CLCN5: variants seen among roughly 807,000 people sequenced by gnomAD.
The protein encoded by CLCN5 is Cl-/H+ antiporter 5, also known as H(+)/Cl(-) exchange transporter 5.
CLCN5 carries 17 observed loss-of-function variants against 54.0 expected under a neutral mutation model. The ratio of observed to expected loss-of-function variants is 0.31; its 90% confidence interval spans 0.22 to 0.47. The LOEUF (loss-of-function observed/expected upper bound fraction) is 0.47, where lower values mean the gene tolerates loss of function less well. Ranked by LOEUF, CLCN5 falls within the 20% of genes least tolerant of loss-of-function variation. The pLI is 1.00. For missense variants in CLCN5, 448 were observed against 646.7 expected (o/e 0.69, Z 3.33); for synonymous variants, 222 against 233.0 (o/e 0.95, Z 0.43).
intron 3 of CLCN5, among the ~76,000 whole-genome samples, chrX:50,017,015 A>G (rs1258302307): frequency 9.0e-6 from 1 of 111,100 alleles, no homozygotes; most frequent in African/African-American, 3.3e-5. Context: ...CACAAAGTTT[A>G]TTTATCCTCA....
chrX:50,066,063 G>C (rs1933000832), intron 4 of CLCN5, among the ~76,000 whole-genome samples: 1 of 104,004 alleles, frequency 9.6e-6, no homozygotes, highest in East Asian at 3.1e-4. Context: ...CCTAATGCTA[G>C]ATGATGAGTT....
chrX:50,063,731 C>T (rs1557190314), intron 4 of CLCN5, among the ~76,000 whole-genome samples: 1 of 110,013 alleles, frequency 9.1e-6, no homozygotes, highest in African/African-American at 3.3e-5. Flanking sequence ...GACCAATATC[C>T]TTGATGAACA....
At chrX:50,085,034 A>G (rs185626923) in intron 9 of CLCN5, among the ~76,000 whole-genome samples, 21 of 111,898 alleles carry the variant, frequency 1.9e-4, no homozygotes, top group Non-Finnish European at 3.4e-4. Flanking sequence ...CAGAGATTCC[A>G]TTCTTTCCTC....
At chrX:49,972,933 C>T (rs184092291) in intron 3 of CLCN5, among the ~76,000 whole-genome samples, 2 of 112,039 alleles carry the variant, frequency 1.8e-5, no homozygotes, top group East Asian at 5.6e-4. Context: ...TCATAACCCC[C>T]ATACATCCTC....
chrX:50,067,114 T>C (rs1243913896), intron 4 of CLCN5, among the ~76,000 whole-genome samples: 1 of 110,993 alleles, frequency 9.0e-6, no homozygotes, highest in African/African-American at 3.3e-5. Flanking sequence ...CTCTTTGAAA[T>C]GTAATCACTT....
chrX:49,962,541 C>T (rs1927648572), intron 3 of CLCN5, among the ~76,000 whole-genome samples: 1 of 111,651 alleles, frequency 9.0e-6, no homozygotes, highest in Non-Finnish European at 1.9e-5. Context: ...CTGATCCCTG[C>T]ATTTCTTAGG....
At chrX:50,059,237 C>T (rs1329004987) in intron 4 of CLCN5, among the ~76,000 whole-genome samples, 3 of 111,813 alleles carry the variant, frequency 2.7e-5, no homozygotes, top group Non-Finnish European at 5.6e-5. Flanking sequence ...CAATGGCTGT[C>T]ATCATCATCA....
Position 50,025,690 on chromosome X carries a change from ACT to A in CLCN5, c.17-16623_17-16622del, listed in dbSNP as rs1403254353. The stretch of plus-strand genomic sequence containing the variant: ...ATCTATTTATCTCTCTCTCATTTGC[ACT>A]CTGTTTCTCTCTCTCTCTCTGTCAT... On this transcript the variant is annotated intron_variant, in intron 3 of 14. Transcript: ENST00000376091. Among the ~76,000 whole-genome samples, 3 of 107,063 alleles carry A rather than the reference ACT, an allele frequency of 2.8e-5. No homozygotes were observed. In the East Asian group the frequency reaches 8.9e-4, roughly 32 times the overall value. 93.0% of individuals were successfully genotyped at this position (107,063 alleles called of 115,157 possible). A position where few individuals can be genotyped will look rare whatever the true frequency, so the allele number is the denominator to read the frequency against.
intron 3 of CLCN5, among the ~76,000 whole-genome samples, chrX:49,951,982 C>G (rs1295988071): frequency 8.9e-6 from 1 of 112,326 alleles, no homozygotes; most frequent in Non-Finnish European, 1.9e-5. Flanking sequence ...CTGGATCAGC[C>G]AGGCAGCAAG....
At chrX:50,014,731 C>T in intron 3 of CLCN5, 1 of 316,026 alleles carries the variant, frequency 3.2e-6, no homozygotes, top group South Asian at 2.9e-5. Flanking sequence ...CCCTCCCACC[C>T]TCCCCTGTCA....
At chrX:49,926,457 A>G (rs1248068164) in intron 3 of CLCN5, among the ~76,000 whole-genome samples, 1 of 112,663 alleles carries the variant, frequency 8.9e-6, no homozygotes, top group Non-Finnish European at 1.9e-5. Flanking sequence ...GCCATGTTGA[A>G]TAAGTGTTAG....
At chrX:50,000,368 A>G (rs1259170146) in intron 3 of CLCN5, among the ~76,000 whole-genome samples, 3 of 109,319 alleles carry the variant, frequency 2.7e-5, no homozygotes, top group African/African-American at 1.0e-4. Flanking sequence ...CAATGCACAC[A>G]CTGGCTGGGC....
intron 3 of CLCN5, among the ~76,000 whole-genome samples, chrX:49,969,298 G>A (rs782268163): frequency 2.7e-5 from 3 of 111,676 alleles, no homozygotes; most frequent in Admixed American, 9.5e-5. Flanking sequence ...GGCTGGTCTC[G>A]AACTCCTGAC....
Position 50,080,731 on chromosome X carries a change from A to G in CLCN5, c.726+15A>G. 1 of 1,183,351 alleles carries G rather than the reference A, an allele frequency of 8.5e-7. No individual in the cohort carries two copies. Among genetic ancestry groups the G allele is most frequent in the Non-Finnish European group, 1.1e-6 (1 of 870,773 alleles). On this transcript the variant is annotated intron_variant, in intron 8 of 14. Transcript: ENST00000376091. Reference sequence around the variant, plus strand: ...GAATCCCTGAGGTGAGTCTCTTAAAATGGTTTATAAATGGTTACAATATGA... The same window carrying G: ...GAATCCCTGAGGTGAGTCTCTTAAAGTGGTTTATAAATGGTTACAATATGA...
chrX:50,012,732 C>G (rs1930577084), intron 3 of CLCN5, among the ~76,000 whole-genome samples: 1 of 111,784 alleles, frequency 8.9e-6, no homozygotes, highest in Non-Finnish European at 1.9e-5. Context: ...ATCTGTATCA[C>G]CTAGGAGCTT....
intron 3 of CLCN5, among the ~76,000 whole-genome samples, chrX:49,936,132 G>C (rs1322085512): frequency 8.9e-6 from 1 of 111,851 alleles, no homozygotes; most frequent in African/African-American, 3.2e-5. Context: ...ATTCTATGTA[G>C]TGATGCTTAT....
intron 3 of CLCN5, among the ~76,000 whole-genome samples, chrX:50,038,569 C>A (rs1188652629): frequency 8.9e-6 from 1 of 111,799 alleles, no homozygotes; most frequent in Non-Finnish European, 1.9e-5. Flanking sequence ...AAATAATTAG[C>A]CTGTAATCTT....
intron 3 of CLCN5, among the ~76,000 whole-genome samples, chrX:49,927,123 G>C (rs1557168116): frequency 9.0e-6 from 1 of 111,546 alleles, no homozygotes; most frequent in Non-Finnish European, 1.9e-5. Context: ...AGACAGTTTT[G>C]AAAGTACAGA....
chrX:50,027,017 CTTT>C (rs113714534), intron 3 of CLCN5, among the ~76,000 whole-genome samples: 6 of 98,150 alleles, frequency 6.1e-5, no homozygotes, highest in Admixed American at 1.1e-4. Context: ...TTCTTTCTTT[CTTT>C]TTTTTTTTTT....
Sources: allele counts gnomAD v4.1 joint callset (sites outside exome capture counted in the v4.1 genomes callset), GRCh38; gene constraint gnomAD v4.1.1; transcripts MANE v1.5; gene names NCBI Gene and HGNC (gene_info 2026-07-23, HGNC 2026-07-21).